MAD1L1: variants seen among roughly 807,000 people sequenced by gnomAD.
MAD1L1 encodes mitotic arrest deficient 1 like 1.
A neutral mutation model predicts 96.9 loss-of-function variants in MAD1L1; 95 were observed. The observed-to-expected ratio is 0.98, with a 90% CI of 0.83 to 1.16. The LOEUF is 1.16. MAD1L1 is among the 50% of genes most tolerant of loss of function. MAD1L1 has a pLI of 0.00. For synonymous variants in MAD1L1, 473 were observed against 396.6 expected, an observed-to-expected ratio of 1.19 and a Z score of -2.29; for missense variants, 1,007 against 954.4, an observed-to-expected ratio of 1.06 and a Z score of -0.73.
chr7:1,986,625 G>C (rs767890264), intron 14 of MAD1L1, among the ~76,000 whole-genome samples: 5 of 152,070 alleles, frequency 3.3e-5, no homozygotes, highest in Non-Finnish European at 5.9e-5. Context: ...TGCTCACTGC[G>C]TCTGCTCACT....
chr7:2,180,048 T>C (rs1562758474), intron 10 of MAD1L1, among the ~76,000 whole-genome samples: 1 of 151,876 alleles, frequency 6.6e-6, no homozygotes, highest in Non-Finnish European at 1.5e-5. Flanking sequence ...GGCAAAAACT[T>C]GGTTGGGGAA....
At chr7:2,185,149 G>GGT (rs1296354676) in intron 10 of MAD1L1, among the ~76,000 whole-genome samples, 3 of 152,120 alleles carry the variant, frequency 2.0e-5, no homozygotes, top group Non-Finnish European at 4.4e-5. Context: ...ACTTTCAGGA[G>GGT]GTGATTGCTC....
At chr7:2,123,304 C>CAAAAA (rs56201563) in intron 11 of MAD1L1, among the ~76,000 whole-genome samples, 4 of 108,742 alleles carry the variant, frequency 3.7e-5, no homozygotes, top group Non-Finnish European at 7.4e-5. Context: ...GACTCCATCT[C>CAAAAA]AAAAAAAAAA....
intron 17 of MAD1L1, among the ~76,000 whole-genome samples, chr7:1,914,340 T>C (rs1481110509): frequency 6.6e-6 from 1 of 152,196 alleles, no homozygotes; most frequent in African/African-American, 2.4e-5. Context: ...CCACGGGCGT[T>C]CCTGCATTAT....
chr7:2,069,466 T>C, intron 11 of MAD1L1, 128 bp from the exon 12 acceptor site: 1 of 879,538 alleles, frequency 1.1e-6, no homozygotes, highest in South Asian at 2.0e-5. Flanking sequence ...ACCCCCTCAC[T>C]GCCATTTCCG....
intron 10 of MAD1L1, among the ~76,000 whole-genome samples, chr7:2,163,374 CT>C (rs1562744427): frequency 6.6e-6 from 1 of 152,068 alleles, no homozygotes; most frequent in Non-Finnish European, 1.5e-5. Flanking sequence ...AGTATGTATT[CT>C]TTGTTTTTTG....
chr7:1,917,986 T>C (rs1302770674), intron 17 of MAD1L1, among the ~76,000 whole-genome samples: 3 of 151,998 alleles, frequency 2.0e-5, no homozygotes, highest in Non-Finnish European at 4.4e-5. Context: ...AGACTAGATG[T>C]GGGGCTGGGG....
chr7:1,951,035 A>G (rs1316733110), intron 16 of MAD1L1, among the ~76,000 whole-genome samples: 1 of 152,360 alleles, frequency 6.6e-6, no homozygotes, highest in African/African-American at 2.4e-5. Context: ...CTGCAACCAC[A>G]GGTCCTCCTC....
At chr7:1,830,695 C>A (rs1356431456) in intron 18 of MAD1L1, among the ~76,000 whole-genome samples, 1 of 152,186 alleles carries the variant, frequency 6.6e-6, no homozygotes, top group African/African-American at 2.4e-5. Context: ...GGTGTCGTAT[C>A]ATTCGAGGAT....
At chr7:2,025,697 A>C (rs1782966865) in intron 12 of MAD1L1, among the ~76,000 whole-genome samples, 1 of 152,244 alleles carries the variant, frequency 6.6e-6, no homozygotes, top group Non-Finnish European at 1.5e-5. Flanking sequence ...TGTATGAATA[A>C]AGTACTTTAT....
At position 1,977,023 on chromosome 7, in the gene MAD1L1, A is replaced by T. The variant is rs573175779; in HGVS notation, c.1505+3430T>A. ...AGACATAAAATTTCTCCAAGTCCCC[A>T]CCGGACTCAGGAGCCCAGCTGGCTT... is the stretch of plus-strand genomic sequence containing the variant. On this transcript the variant is annotated intron_variant, in intron 15 of 18. Coordinates refer to ENST00000265854, the MANE Select transcript of MAD1L1 (RefSeq NM_001013836.2). Among the ~76,000 whole-genome samples the T allele has an allele frequency of 2.7e-4, 41 of 152,338 alleles. 2 individuals are homozygous for T. The highest frequency in any genetic ancestry group is 9.4e-4 in the African/African-American group (39 of 41,572).
intron 17 of MAD1L1, among the ~76,000 whole-genome samples, chr7:1,931,477 T>C (rs1415517628): frequency 3.9e-5 from 6 of 152,380 alleles, no homozygotes; most frequent in African/African-American, 1.4e-4. Context: ...TCCACACTTC[T>C]CATTTCCTTC....
At chr7:1,861,928 G>A (rs1784552869) in intron 18 of MAD1L1, among the ~76,000 whole-genome samples, 1 of 152,016 alleles carries the variant, frequency 6.6e-6, no homozygotes, top group Non-Finnish European at 1.5e-5. Flanking sequence ...AGGGACTCCT[G>A]GCCCCCCAGC....
intron 18 of MAD1L1, among the ~76,000 whole-genome samples, chr7:1,888,534 G>A (rs12699431): frequency 0.038 from 3,756 of 99,518 alleles, 57 homozygotes; most frequent in Non-Finnish European, 0.051. Flanking sequence ...GTGTGTGGTT[G>A]CCTGTGCGTG....
intron 16 of MAD1L1, among the ~76,000 whole-genome samples, chr7:1,953,054 G>A (rs1417923953): frequency 6.6e-6 from 1 of 152,138 alleles, no homozygotes; most frequent in African/African-American, 2.4e-5. Context: ...CTGCAGCGTT[G>A]GTGGCTTCAG....
chr7:2,147,620 ACT>A (rs1789374341), intron 11 of MAD1L1, among the ~76,000 whole-genome samples: 1 of 151,942 alleles, frequency 6.6e-6, no homozygotes, highest in Non-Finnish European at 1.5e-5. Context: ...ATGCCCCAAG[ACT>A]CACCCTTCCC....
At chr7:1,952,238 T>C (rs1263745452) in intron 16 of MAD1L1, among the ~76,000 whole-genome samples, 1 of 152,174 alleles carries the variant, frequency 6.6e-6, no homozygotes, top group Admixed American at 6.5e-5. Flanking sequence ...TGTGGAGCAG[T>C]GAGATCTCAT....
chr7:2,085,395 G>A (rs756910521), intron 11 of MAD1L1, among the ~76,000 whole-genome samples: 3 of 152,204 alleles, frequency 2.0e-5, no homozygotes, highest in Non-Finnish European at 4.4e-5. Flanking sequence ...GGAGAGCAGC[G>A]CATGTAGCTG....
intron 11 of MAD1L1, among the ~76,000 whole-genome samples, chr7:2,115,401 G>A (rs55961550): frequency 1.1e-3 from 159 of 148,254 alleles, no homozygotes; most frequent in Non-Finnish European, 1.7e-3. Context: ...CGGTGGACAG[G>A]GTCCCCACGT....
Sources: allele counts gnomAD v4.1 joint callset (sites outside exome capture counted in the v4.1 genomes callset), GRCh38; gene constraint gnomAD v4.1.1; transcripts MANE v1.5; gene names NCBI Gene and HGNC (gene_info 2026-07-23, HGNC 2026-07-21).